PEBP4: variants seen among roughly 807,000 people sequenced by gnomAD.
The protein encoded by PEBP4 is phosphatidylethanolamine binding protein 4.
A neutral mutation model predicts 23.9 loss-of-function variants in PEBP4; 22 were observed. The observed-to-expected ratio is 0.92, with a 90% CI of 0.66 to 1.31. The LOEUF is 1.31. Among genes scored for constraint, PEBP4 ranks in the 40% most tolerant of loss-of-function variants. PEBP4 has a pLI of 0.00. For missense variants in PEBP4, 324 were observed against 281.7 expected (o/e 1.15, Z -1.07); for synonymous variants, 112 against 99.3 (o/e 1.13, Z -0.76).
intron 3 of PEBP4, among the ~76,000 whole-genome samples, chr8:22,907,533 AAAAG>A (rs893475759): frequency 6.6e-6 from 1 of 152,020 alleles, no homozygotes; most frequent in African/African-American, 2.4e-5. Flanking sequence ...AAAAGAGAGA[AAAAG>A]AGAGAGAGAG....
At position 22,796,293 on chromosome 8, in the gene PEBP4, C is replaced by A. The variant is rs970584140; in HGVS notation, c.357+21344G>T. ...GTGTGTGTGTGTGTGTGTGTGTTTGCCTGTGTACGTGTAATTCATTTCCCC... is the reference window on the plus strand; with the variant it reads ...GTGTGTGTGTGTGTGTGTGTGTTTGACTGTGTACGTGTAATTCATTTCCCC... On this transcript the variant is annotated intron_variant, in intron 4 of 6. Coordinates refer to ENST00000256404, the MANE Select transcript of PEBP4 (RefSeq NM_144962.3). 6.0e-5 allele frequency among the ~76,000 whole-genome samples: 9 copies of A among 148,856 alleles called. No individual in the cohort carries two copies. The East Asian group carries it at 1.6e-3, about 26-fold the overall frequency.
At chr8:22,896,710 G>C (rs989223933) in intron 3 of PEBP4, among the ~76,000 whole-genome samples, 5 of 152,146 alleles carry the variant, frequency 3.3e-5, no homozygotes, top group African/African-American at 9.7e-5. Flanking sequence ...CACAGAGGTT[G>C]CAAGGTGACA....
chr8:22,767,606 G>A (rs1002109951), intron 4 of PEBP4, among the ~76,000 whole-genome samples: 4 of 151,932 alleles, frequency 2.6e-5, no homozygotes, highest in Admixed American at 6.6e-5. Flanking sequence ...TCACCTTGCC[G>A]GGGGTATATG....
intron 4 of PEBP4, among the ~76,000 whole-genome samples, chr8:22,810,671 T>C (rs930205687): frequency 2.6e-3 from 70 of 27,122 alleles, no homozygotes; most frequent in African/African-American, 8.4e-3. Context: ...CATGGAGGGG[T>C]GTGTGTGTGT....
chr8:22,784,056 C>G (rs1197919147), intron 4 of PEBP4, among the ~76,000 whole-genome samples: 1 of 152,214 alleles, frequency 6.6e-6, no homozygotes, highest in Non-Finnish European at 1.5e-5. Context: ...TGCAACCTCT[C>G]TGGGCCTCAA....
At chr8:22,900,974 C>T (rs1808699010) in intron 3 of PEBP4, among the ~76,000 whole-genome samples, 1 of 152,162 alleles carries the variant, frequency 6.6e-6, no homozygotes, top group Admixed American at 6.5e-5. Flanking sequence ...TCAGCCTTGA[C>T]AGCAGCAAGA....
intron 3 of PEBP4, among the ~76,000 whole-genome samples, chr8:22,915,549 G>A (rs765776206): frequency 1.6e-4 from 24 of 152,244 alleles, no homozygotes; most frequent in African/African-American, 3.1e-4. Context: ...AGTGTCTTTC[G>A]TCTCTGAATC....
intron 4 of PEBP4, among the ~76,000 whole-genome samples, chr8:22,808,332 CTCACCTCTATTCACCCAT>C (rs1339320769): frequency 6.6e-6 from 1 of 152,220 alleles, no homozygotes; most frequent in Non-Finnish European, 1.5e-5. Flanking sequence ...CATTCACCCA[CTCACCTCTATTCACCCAT>C]TCACCCATCT....
At position 22,769,092 on chromosome 8, in the gene PEBP4, C is replaced by T. The variant is rs147730288; in HGVS notation, c.358-41872G>A. On this transcript the variant is annotated intron_variant, in intron 4 of 6. Coordinates refer to ENST00000256404, the MANE Select transcript of PEBP4 (RefSeq NM_144962.3). ...AAGCAGCTCCTGTGTCCCCCAGGGA[C>T]GATCTCCTTCCCTCTCTACCCTCAC... Among the ~76,000 whole-genome samples the T allele has an allele frequency of 1.2e-3, 181 of 152,302 alleles. 1 individual carries two copies. Among genetic ancestry groups the T allele is most frequent in the African/African-American group, 4.0e-3 (166 of 41,552 alleles).
intron 4 of PEBP4, among the ~76,000 whole-genome samples, chr8:22,748,753 C>T (rs1035479771): frequency 2.8e-4 from 42 of 151,992 alleles, no homozygotes; most frequent in Non-Finnish European, 2.9e-5. Context: ...TAGAAGAGAG[C>T]CCCCCAGAAG....
intron 2 of PEBP4, among the ~76,000 whole-genome samples, chr8:22,923,721 G>C (rs1809260146): frequency 1.3e-5 from 2 of 152,100 alleles, no homozygotes; most frequent in Admixed American, 1.3e-4. Flanking sequence ...TTAACAAGCG[G>C]GACTTGGAAG....
chr8:22,913,271 A>T (rs1808986612), intron 3 of PEBP4, among the ~76,000 whole-genome samples: 1 of 152,062 alleles, frequency 6.6e-6, no homozygotes. Context: ...AACGATCCAG[A>T]TCCAGTGGCT....
intron 6 of PEBP4, among the ~76,000 whole-genome samples, chr8:22,722,783 TG>T (rs1412687914): frequency 1.4e-5 from 2 of 144,676 alleles, no homozygotes; most frequent in African/African-American, 5.3e-5. Context: ...TTTTTTTTTT[TG>T]TTTTTTTGAG....
chr8:22,771,565 A>C (rs145974370), intron 4 of PEBP4, among the ~76,000 whole-genome samples: 1 of 152,242 alleles, frequency 6.6e-6, no homozygotes, highest in East Asian at 1.9e-4. Context: ...TATTGACAAC[A>C]CTAAGCAATC....
rs117630445 is a variant in PEBP4, at chr8:22,825,498, C to T, written c.259-7763G>A. 2.6e-4 allele frequency among the ~76,000 whole-genome samples: 39 copies of T among 152,304 alleles called. No homozygotes were observed. In the East Asian group the frequency reaches 7.1e-3, roughly 28 times the overall value. On this transcript the variant is annotated intron_variant, in intron 3 of 6. Transcript: ENST00000256404. ...TTTTATACTTCTGTAGGGGTATAGACCTAGTAAAATGCCAGCCTTTAATAG... is the reference window on the plus strand; with the variant it reads ...TTTTATACTTCTGTAGGGGTATAGATCTAGTAAAATGCCAGCCTTTAATAG...
intron 4 of PEBP4, among the ~76,000 whole-genome samples, chr8:22,744,148 G>T (rs980957241): frequency 1.3e-5 from 2 of 152,202 alleles, no homozygotes; most frequent in African/African-American, 4.8e-5. Context: ...TTGGTCAGGG[G>T]AACATAAAAT....
intron 4 of PEBP4, among the ~76,000 whole-genome samples, chr8:22,807,051 A>G (rs1490414747): frequency 6.6e-6 from 1 of 152,200 alleles, no homozygotes; most frequent in African/African-American, 2.4e-5. Context: ...GAGGACTGAT[A>G]TTACACTTAC....
intron 3 of PEBP4, among the ~76,000 whole-genome samples, chr8:22,854,635 C>A (rs937265891): frequency 2.0e-5 from 3 of 152,092 alleles, no homozygotes; most frequent in Non-Finnish European, 4.4e-5. Context: ...AATTTGAATT[C>A]TTGATCAAGC....
At chr8:22,932,112 C>G (rs995012944), upstream of PEBP4, among the ~76,000 whole-genome samples, 5 of 152,340 alleles carry the variant, frequency 3.3e-5, no homozygotes, top group African/African-American at 1.2e-4. Flanking sequence ...GGGGAAAACA[C>G]TGTGCTAAGT....
Sources: gnomAD v4.1 joint callset for allele counts (sites outside exome capture counted in the v4.1 genomes callset) on GRCh38, gnomAD v4.1.1 for gene constraint, MANE v1.5 for transcripts, NCBI Gene and HGNC (gene_info 2026-07-23, HGNC 2026-07-21) for gene names.